Variants in INPP4B observed in about 807,000 individuals in gnomAD.
INPP4B encodes the protein inositol polyphosphate 4-phosphatase type II.
Under a neutral mutation model 122.5 loss-of-function variants are expected in INPP4B, and 55 were observed. The ratio of observed to expected loss-of-function variants is 0.45; its 90% CI spans 0.36 to 0.56. INPP4B has a LOEUF of 0.56. Among genes scored for constraint, INPP4B ranks in the 20% least tolerant of loss-of-function variants. The probability of loss-of-function intolerance (pLI) is 0.00; values close to 1 mark genes in which losing one functional copy is unlikely to be tolerated. For missense variants in INPP4B, 1,000 were observed against 1,097.7 expected, an observed-to-expected ratio of 0.91 and a Z score of 1.26; for synonymous variants, 403 against 388.7, an observed-to-expected ratio of 1.04 and a Z score of -0.43.
At chr4:142,639,899 C>A (rs1352608051) in intron 2 of INPP4B, among the ~76,000 whole-genome samples, 1 of 152,056 alleles carries the variant, frequency 6.6e-6, no homozygotes, top group Non-Finnish European at 1.5e-5. Context: ...ACCCATGTAT[C>A]TCATCTACTT....
At chr4:142,192,354 A>AAAAAAAAAAAAAAAAAAAAAAAAAAAAG (rs148371542) in intron 15 of INPP4B, among the ~76,000 whole-genome samples, 3 of 73,142 alleles carry the variant, frequency 4.1e-5, no homozygotes, top group Non-Finnish European at 8.4e-5. Flanking sequence ...AAAAAAAAAA[A>AAAAAAAAAAAAAAAAAAAAAAAAAAAAG]TGGGATTCTT....
intron 7 of INPP4B, among the ~76,000 whole-genome samples, chr4:142,399,189 C>CTTT (rs70949166): frequency 0.018 from 1,041 of 56,998 alleles, 239 homozygotes; most frequent in East Asian, 0.076. Context: ...TTTCCTTTTG[C>CTTT]TTTTTTTTTT....
chr4:142,173,211 T>C (rs1826411360), intron 16 of INPP4B, among the ~76,000 whole-genome samples: 1 of 151,910 alleles, frequency 6.6e-6, no homozygotes, highest in Admixed American at 6.6e-5. Flanking sequence ...CTGATGTAAA[T>C]CCACATCAAA....
intron 12 of INPP4B, among the ~76,000 whole-genome samples, chr4:142,221,124 G>T (rs543136685): frequency 5.3e-5 from 8 of 152,204 alleles, no homozygotes; most frequent in African/African-American, 1.9e-4. Flanking sequence ...ATCCGGCTGG[G>T]CACGGTGGTT....
At position 142,730,806 on chromosome 4, in the gene INPP4B, G is replaced by T. The variant is rs142120682; in HGVS notation, c.-253-4905C>A. Among the ~76,000 whole-genome samples, 219 of 152,250 alleles carry T rather than the reference G, an allele frequency of 1.4e-3. 4 individuals are homozygous for T. The East Asian group carries it at 0.034, about 23-fold the overall frequency. ...CTAAACTCAATGATCAGCATATATG[G>T]AGAAGGTACCTGTTAAGTGCAGACA... On this transcript the variant is annotated intron_variant, in intron 1 of 25. Transcript: ENST00000262992.
intron 25 of INPP4B, among the ~76,000 whole-genome samples, chr4:142,073,091 T>C (rs1446666548): frequency 2.0e-5 from 3 of 152,112 alleles, no homozygotes; most frequent in African/African-American, 7.2e-5. Context: ...AATAATACTA[T>C]GGTATTTGAG....
At chr4:142,344,155 G>A (rs996110283) in intron 7 of INPP4B, among the ~76,000 whole-genome samples, 2 of 152,018 alleles carry the variant, frequency 1.3e-5, no homozygotes, top group Non-Finnish European at 2.9e-5. Flanking sequence ...CTGCTCTTTT[G>A]TGAAGAAGAG....
chr4:142,236,925 A>G (rs1856916300), intron 12 of INPP4B, among the ~76,000 whole-genome samples: 1 of 152,236 alleles, frequency 6.6e-6, no homozygotes, highest in Non-Finnish European at 1.5e-5. Context: ...TAACGCTTTA[A>G]AAGTTGCTAA....
chr4:142,550,504 G>T (rs1727701936), intron 2 of INPP4B, among the ~76,000 whole-genome samples: 1 of 151,368 alleles, frequency 6.6e-6, no homozygotes, highest in Admixed American at 6.6e-5. Flanking sequence ...TGAGATAAGG[G>T]AACTTATCCA....
At chr4:142,402,103 T>G (rs1257775821) in intron 7 of INPP4B, among the ~76,000 whole-genome samples, 1 of 152,170 alleles carries the variant, frequency 6.6e-6, no homozygotes, top group Non-Finnish European at 1.5e-5. Flanking sequence ...GCAGCATCCC[T>G]TAGCTTCAAC....
chr4:142,385,574 T>C (rs1470552050), intron 7 of INPP4B, among the ~76,000 whole-genome samples: 1 of 152,168 alleles, frequency 6.6e-6, no homozygotes, highest in Non-Finnish European at 1.5e-5. Context: ...AAACTAATCC[T>C]GGATATTGTC....
At chr4:142,795,460 G>A (rs529719355) in intron 1 of INPP4B, 2 of 151,946 alleles carry the variant, frequency 1.3e-5, no homozygotes, top group East Asian at 1.9e-4. Flanking sequence ...ATAGTTTTTT[G>A]TTGTTGTTGT....
intron 19 of INPP4B, 22 bp downstream of exon 19, chr4:142,124,566 A>G: frequency 6.2e-7 from 1 of 1,606,516 alleles, no homozygotes; most frequent in Non-Finnish European, 8.5e-7. Context: ...GTTTTGTACT[A>G]ACAATAACAA....
intron 2 of INPP4B, among the ~76,000 whole-genome samples, chr4:142,576,415 T>A (rs1448099243): frequency 6.6e-6 from 1 of 152,036 alleles, no homozygotes; most frequent in African/African-American, 2.4e-5. Flanking sequence ...GATATGTCTT[T>A]CTACATTATG....
chr4:142,344,626 C>CA (rs1291236284), intron 7 of INPP4B, among the ~76,000 whole-genome samples: 1 of 151,910 alleles, frequency 6.6e-6, no homozygotes, highest in African/African-American at 2.4e-5. Context: ...GCCCATCACT[C>CA]AAAATGCTAA....
intron 17 of INPP4B, among the ~76,000 whole-genome samples, chr4:142,154,541 A>T (rs1253533334): frequency 2.0e-5 from 3 of 152,128 alleles, no homozygotes; most frequent in African/African-American, 7.2e-5. Context: ...GATATTTTGC[A>T]GATGGCTAGA....
chr4:142,438,473 T>C (rs1451011124), intron 3 of INPP4B, among the ~76,000 whole-genome samples: 1 of 152,108 alleles, frequency 6.6e-6, no homozygotes, highest in East Asian at 1.9e-4. Flanking sequence ...ATCTAATAAA[T>C]GGTGCTGGAA....
chr4:142,320,074 T>C lies in INPP4B; in HGVS notation c.373-5312A>G, dbSNP rs28568487. On this transcript the variant is annotated intron_variant, in intron 7 of 25. Coordinates refer to ENST00000262992, the MANE Select transcript of INPP4B (RefSeq NM_001101669.3). The stretch of plus-strand genomic sequence containing the variant: ...TTCTTGCAACTCTTGAACTGTGGTC[T>C]TCATTTTCTTGATGGCTGTTCACAG... Among the ~76,000 whole-genome samples the C allele has an allele frequency of 3.7e-3, 558 of 152,298 alleles. 1 individual carries two copies. Among genetic ancestry groups the C allele is most frequent in the African/African-American group, 0.013 (530 of 41,572 alleles).
intron 2 of INPP4B, among the ~76,000 whole-genome samples, chr4:142,633,029 A>T (rs1324656312): frequency 6.6e-6 from 1 of 151,948 alleles, no homozygotes; most frequent in Non-Finnish European, 1.5e-5. Flanking sequence ...ATGGACAAAG[A>T]AAAGTTGAAA....
Sources: gnomAD v4.1 joint callset for allele counts (sites outside exome capture counted in the v4.1 genomes callset) on GRCh38, gnomAD v4.1.1 for gene constraint, MANE v1.5 for transcripts, NCBI Gene and HGNC (gene_info 2026-07-23, HGNC 2026-07-21) for gene names.